OR11G2: variants seen among roughly 807,000 people sequenced by gnomAD.
The protein encoded by OR11G2 is olfactory receptor family 11 subfamily G member 2.
OR11G2 carries 2 observed loss-of-function variants against 0.9 expected under a neutral mutation model. That is an observed-to-expected ratio of 2.35 (90% CI 0.96 to 7.38). OR11G2 has a LOEUF of 7.38. Ranked by LOEUF, OR11G2 falls within the 30% of genes most tolerant of loss-of-function variation. The pLI, the probability that OR11G2 is intolerant of heterozygous loss-of-function variation, is 0.05. For synonymous variants in OR11G2, 153 were observed against 142.0 expected, an observed-to-expected ratio of 1.08 and a Z score of -0.55; for missense variants, 395 against 371.3, an observed-to-expected ratio of 1.06 and a Z score of -0.52.
intron 1 of OR11G2, among the ~76,000 whole-genome samples, chr14:20,192,442 CTAATT>C (rs1451351625): frequency 6.6e-6 from 1 of 152,224 alleles, no homozygotes; most frequent in Non-Finnish European, 1.5e-5. Flanking sequence ...TAGCTCTGTC[CTAATT>C]CTATATCCAA....
At chr14:20,197,194 G>T (rs770968255) in intron 1 of OR11G2, 11 of 596,066 alleles carry the variant, frequency 1.8e-5, no homozygotes, top group Non-Finnish European at 3.2e-5. Flanking sequence ...TTGGTCAAAA[G>T]TTTTCTTGAG....
chr14:20,195,397 C>T (rs894893638), intron 1 of OR11G2, among the ~76,000 whole-genome samples: 1 of 152,098 alleles, frequency 6.6e-6, no homozygotes. Flanking sequence ...AAAAATTAGC[C>T]GGGCTGGTGG....
intron 1 of OR11G2, among the ~76,000 whole-genome samples, chr14:20,195,323 G>A (rs1406352368): frequency 6.6e-6 from 1 of 152,106 alleles, no homozygotes. Flanking sequence ...GCAGATCACT[G>A]GAGGTCAGGA....
Position 20,198,454 on chromosome 14 carries a change from C to G in OR11G2, c.*81C>G, listed in dbSNP as rs192843031. On this transcript the variant is annotated 3_prime_UTR_variant, in exon 2 of 2. Transcript: ENST00000641879. The stretch of plus-strand genomic sequence containing the variant: ...AAAAAAAAAACTGGTCTTGGCCAGG[C>G]GCGGTGGCTTACGCCTGTAATCCCA... 2 of 1,047,094 alleles carry G rather than the reference C, an allele frequency of 1.9e-6. No homozygotes were observed. Among genetic ancestry groups the G allele is most frequent in the Non-Finnish European group, 2.8e-6 (2 of 715,366 alleles). The allele number at this position is 1,047,094 out of a possible 1,614,324, so 64.9% of individuals were successfully genotyped here. A position where few individuals can be genotyped will look rare whatever the true frequency, so the allele number is the denominator to read the frequency against.
At chr14:20,196,439 TCTAA>T (rs530894401) in intron 1 of OR11G2, among the ~76,000 whole-genome samples, 22 of 152,344 alleles carry the variant, frequency 1.4e-4, no homozygotes, top group East Asian at 3.9e-4. Flanking sequence ...TAGAAAGGGC[TCTAA>T]CTAATTCCAA....
rs1340733772 is a variant in OR11G2 at position 20,198,505 on chromosome 14, G to T, written c.*132G>T. ...GCACTTTGGGAGCCCGAGGCGGGTG[G>T]ATCACGAGGTCAGGAGATCAAGACC... is the stretch of plus-strand genomic sequence containing the variant. On this transcript the variant is annotated 3_prime_UTR_variant, in exon 2 of 2. Coordinates refer to ENST00000641879, the MANE Select transcript of OR11G2 (RefSeq NM_001386033.1). 2 of 630,378 alleles carry T rather than the reference G, an allele frequency of 3.2e-6. No individual in the cohort carries two copies. The highest frequency in any genetic ancestry group is 5.5e-6 in the Non-Finnish European group (2 of 362,928). The allele number at this position is 630,378 out of a possible 1,614,324, so 39.0% of individuals were successfully genotyped here.
intron 1 of OR11G2, 68 bp from the exon 2 acceptor site, chr14:20,197,366 A>T: frequency 6.4e-7 from 1 of 1,570,992 alleles, no homozygotes; most frequent in Non-Finnish European, 8.6e-7. Context: ...TGATTTAAAT[A>T]TAAATCTGAT....
Position 20,198,495 on chromosome 14 carries a change from G to T in OR11G2, c.*122G>T. ...TGTAATCCCAGCACTTTGGGAGCCC[G>T]AGGCGGGTGGATCACGAGGTCAGGA... On this transcript the variant is annotated 3_prime_UTR_variant, in exon 2 of 2. Coordinates refer to ENST00000641879, the MANE Select transcript of OR11G2 (RefSeq NM_001386033.1). 4.5e-6 allele frequency: 3 copies of T among 661,380 alleles called. No individual in the cohort carries two copies. Among genetic ancestry groups the T allele is most frequent in the Non-Finnish European group, 7.8e-6 (3 of 386,136 alleles). 41.0% of individuals were successfully genotyped at this position (661,380 alleles called of 1,614,324 possible).
rs922223062 is a variant in OR11G2, at chr14:20,199,825, T to A, written c.*1452T>A. 6.6e-6 allele frequency: 1 copy of A among 152,180 alleles called. No individual in the cohort carries two copies. The highest frequency in any genetic ancestry group is 1.5e-5 in the Non-Finnish European group (1 of 68,040). The allele number at this position is 152,180 out of a possible 1,614,324, so 9.4% of individuals were successfully genotyped here. On this transcript the variant is annotated 3_prime_UTR_variant, in exon 2 of 2. Transcript: ENST00000641879. ...CTGGGATGCACACCTGCTTTTCTTT[T>A]CATTGCAACCAGCAAAGAATCCCTG...
At chr14:20,193,189 C>T (rs1025480522) in intron 1 of OR11G2, among the ~76,000 whole-genome samples, 4 of 152,194 alleles carry the variant, frequency 2.6e-5, no homozygotes, top group African/African-American at 9.7e-5. Context: ...GCAATCTCAG[C>T]TCACTGCAAC....
At chr14:20,195,508 C>A (rs1879734478) in intron 1 of OR11G2, among the ~76,000 whole-genome samples, 1 of 152,200 alleles carries the variant, frequency 6.6e-6, no homozygotes, top group African/African-American at 2.4e-5. Flanking sequence ...CCACTGCACT[C>A]CAGCCTGGGT....
At chr14:20,196,963 G>A (rs1275945635) in intron 1 of OR11G2, among the ~76,000 whole-genome samples, 3 of 152,200 alleles carry the variant, frequency 2.0e-5, no homozygotes, top group Non-Finnish European at 4.4e-5. Flanking sequence ...CAGTTTTATG[G>A]TCTCATATTA....
In OR11G2 at chr14:20,198,016, C is replaced by CA. The variant is rs55781225; in HGVS notation, c.585dup (p.Gly196ArgfsTer74). On this transcript the variant is annotated frameshift_variant, in exon 2 of 2. Coordinates refer to ENST00000641879, the MANE Select transcript of OR11G2 (RefSeq NM_001386033.1). LOFTEE classifies it low-confidence loss of function (END_TRUNC). ...CAGCTCCTCTTCTAACTCTCACTTG[C>CA]AAAAAAGGCCCTGTGATAGAGCTTG... 0.7 allele frequency: 1,125,757 copies of CA among 1,613,050 alleles called. 394,322 individuals carry two copies. The highest frequency in any genetic ancestry group is 0.71 in the Non-Finnish European group (841,669 of 1,179,452).
chr14:20,191,973 A>G (rs1879661668), intron 1 of OR11G2, among the ~76,000 whole-genome samples: 2 of 149,624 alleles, frequency 1.3e-5, no homozygotes, highest in African/African-American at 2.5e-5. Context: ...GCTCACCACA[A>G]CCTCTGCCTC....
chr14:20,198,366 G>A lies in OR11G2; in HGVS notation c.929G>A (p.Gly310Glu), dbSNP rs2139116254. The change falls in exon 2 of 2, where the codon GGA becomes GAA. Residue 310 changes from glycine to glutamate, a missense_variant. By Grantham distance (98) the Gly-to-Glu change is moderately conservative. Coordinates refer to ENST00000641879, the MANE Select transcript of OR11G2 (RefSeq NM_001386033.1). ...DMRKALKKFWGT is the reference protein window; with the variant it reads ...DMRKALKKFWET The stretch of plus-strand genomic sequence containing the variant: ...AGAAAAGCTCTGAAGAAATTTTGGG[G>A]AACATAAAATGTTAATCAAAAAGGT... The A allele has an allele frequency of 1.3e-6, 2 of 1,546,160 alleles. No individual in the cohort carries two copies. The highest frequency in any genetic ancestry group is 1.7e-6 in the Non-Finnish European group (2 of 1,149,502).
rs550451466 is a variant in OR11G2, at chr14:20,199,769, G to C, written c.*1396G>C. On this transcript the variant is annotated 3_prime_UTR_variant, in exon 2 of 2. Coordinates refer to ENST00000641879, the MANE Select transcript of OR11G2 (RefSeq NM_001386033.1). ...CAAAAGCCCACAAATCAGAGAGACA[G>C]GTGGATATAGAGGCTGGCATAAACA... 1 of 152,284 alleles carries C rather than the reference G, an allele frequency of 6.6e-6. No individual in the cohort carries two copies. The highest frequency in any genetic ancestry group is 2.1e-4 in the South Asian group (1 of 4,826). The allele number at this position is 152,284 out of a possible 1,614,324, so 9.4% of individuals were successfully genotyped here.
intron 1 of OR11G2, among the ~76,000 whole-genome samples, chr14:20,193,530 G>A (rs914179499): frequency 1.3e-5 from 2 of 152,166 alleles, no homozygotes; most frequent in African/African-American, 4.8e-5. Context: ...TATATCCAAT[G>A]TGCCAAACCT....
chr14:20,198,331 C>T lies in OR11G2; in HGVS notation c.894C>T (p.Asn298=). Residue 298 remains asparagine, a synonymous_variant, in exon 2 of 2, where the codon AAC becomes AAT. Coordinates refer to ENST00000641879, the MANE Select transcript of OR11G2 (RefSeq NM_001386033.1). The stretch of plus-strand genomic sequence containing the variant: ...ACCCTGTGATATATAGTCTTAGGAA[C>T]AAAGATATGAGAAAAGCTCTGAAGA... ...LLNPVIYSLR[N]KDMRKALKKF... 6.3e-7 allele frequency: 1 copy of T among 1,586,190 alleles called. No individual in the cohort carries two copies. The highest frequency in any genetic ancestry group is 8.5e-7 in the Non-Finnish European group (1 of 1,170,914).
chr14:20,192,885 G>C (rs115859867), intron 1 of OR11G2, among the ~76,000 whole-genome samples: 18 of 152,258 alleles, frequency 1.2e-4, no homozygotes, highest in African/African-American at 4.3e-4. Flanking sequence ...GAAGGCCAGT[G>C]TTATATTGCT....
Sources: allele counts gnomAD v4.1 joint callset (sites outside exome capture counted in the v4.1 genomes callset), GRCh38; gene constraint gnomAD v4.1.1; transcripts MANE v1.5; gene names NCBI Gene and HGNC (gene_info 2026-07-23, HGNC 2026-07-21).